NKAIN1: variants seen among roughly 807,000 people sequenced by gnomAD.
NKAIN1 encodes sodium/potassium-transporting ATPase subunit beta-1-interacting protein 1.
In NKAIN1, 13 loss-of-function variants were observed where a neutral mutation model predicts 31.6. The observed-to-expected ratio is 0.41, with a 90% CI of 0.27 to 0.65. NKAIN1 has a LOEUF of 0.65. Ranked by LOEUF, NKAIN1 falls within the 30% of genes least tolerant of loss-of-function variation. The probability of loss-of-function intolerance (pLI) is 0.30; values close to 1 mark genes in which losing one functional copy is unlikely to be tolerated. For synonymous variants in NKAIN1, 104 were observed against 109.0 expected (o/e 0.95, Z 0.28); for missense variants, 193 against 262.2 (o/e 0.74, Z 1.82).
At chr1:31,199,380 A>T (rs556427221) in intron 1 of NKAIN1, among the ~76,000 whole-genome samples, 4 of 152,322 alleles carry the variant, frequency 2.6e-5, no homozygotes, top group African/African-American at 9.6e-5. Context: ...GTTGGTGCTG[A>T]CTATATGGCA....
At chr1:31,231,522 T>TTTG (rs71569973) in intron 1 of NKAIN1, among the ~76,000 whole-genome samples, 33,177 of 150,612 alleles carry the variant, frequency 0.22, 4,005 homozygotes, top group African/African-American at 0.32. Flanking sequence ...TTTGTTGTTG[T>TTTG]TTGTTGTTGT....
rs548762674 is a variant in NKAIN1 at position 31,234,630 on chromosome 1, G to A, written c.54+4864C>T. ...AGAAACTGTGGCCAGAGGAGTGAAT[G>A]CGTGTGTCCAAGGTCACACAGAGCT... On this transcript the variant is annotated intron_variant, in intron 1 of 6. Coordinates refer to ENST00000373736, the MANE Select transcript of NKAIN1 (RefSeq NM_024522.3). Among the ~76,000 whole-genome samples the A allele has an allele frequency of 2.0e-5, 3 of 152,288 alleles. No homozygotes were observed. In the East Asian group the frequency reaches 5.8e-4, roughly 29 times the overall value.
chr1:31,200,554 A>C (rs2377715), intron 1 of NKAIN1, among the ~76,000 whole-genome samples: 113,319 of 149,754 alleles, frequency 0.76, 43,180 homozygotes, highest in Middle Eastern at 0.9. Flanking sequence ...GCCTCCTGGG[A>C]TCAAGTGATC....
intron 1 of NKAIN1, among the ~76,000 whole-genome samples, chr1:31,203,920 C>A (rs765876997): frequency 3.0e-4 from 46 of 152,144 alleles, no homozygotes; most frequent in Non-Finnish European, 5.4e-4. Flanking sequence ...CAAACACATT[C>A]AAAGACAAAA....
rs1645258884 is a variant in NKAIN1 at position 31,188,102 on chromosome 1, A to C, written c.140T>G (p.Val47Gly). ...ILANFLHIMA[V>G]ILGIFGTVQY... ...CACGGTGCCAAAGATGCCCAGGATG[A>C]CTGCCATGATGTGCAGGAAGTTGGC... Residue 47 changes from valine to glycine, a missense_variant, in exon 2 of 7, where the codon GTC becomes GGC. Coordinates refer to ENST00000373736, the MANE Select transcript of NKAIN1 (RefSeq NM_024522.3). 1 of 1,553,242 alleles carries C rather than the reference A, an allele frequency of 6.4e-7. No individual in the cohort carries two copies. Among genetic ancestry groups the C allele is most frequent in the Non-Finnish European group, 8.7e-7 (1 of 1,147,990 alleles).
rs148357835 is a variant in NKAIN1, at chr1:31,213,993, C to CAAA, written c.54+25498_54+25500dup. 6.9e-5 allele frequency among the ~76,000 whole-genome samples: 10 copies of CAAA among 145,268 alleles called. 1 individual carries two copies. Among genetic ancestry groups the CAAA allele is most frequent in the African/African-American group, 2.3e-4 (9 of 39,300 alleles). ...TGGACCACAGAGTGAGCCCCTGTCT[C>CAAA]AAAAAAAGAATAAAATAAAAATTAA... On this transcript the variant is annotated intron_variant, in intron 1 of 6. Coordinates refer to ENST00000373736, the MANE Select transcript of NKAIN1 (RefSeq NM_024522.3).
At chr1:31,182,141 C>T (rs1557647802) in intron 5 of NKAIN1, among the ~76,000 whole-genome samples, 200 bp from the exon 6 acceptor site, 1 of 152,010 alleles carries the variant, frequency 6.6e-6, no homozygotes, top group Non-Finnish European at 1.5e-5. Context: ...GAGGGATGGG[C>T]CTCTGGGGGT....
chr1:31,183,436 C>CTTTTTTTTTTTTTTTTTTTTTTT (rs3046278), intron 4 of NKAIN1, among the ~76,000 whole-genome samples: 2 of 106,698 alleles, frequency 1.9e-5, no homozygotes, highest in African/African-American at 1.1e-4. Flanking sequence ...TTCATTCCCT[C>CTTTTTTTTTTTTTTTTTTTTTTT]TTTTTTTTTT....
chr1:31,214,195 T>C (rs1022556742), intron 1 of NKAIN1, among the ~76,000 whole-genome samples: 4 of 152,032 alleles, frequency 2.6e-5, no homozygotes, highest in African/African-American at 9.7e-5. Context: ...TCACCTACTG[T>C]ATGATTCCAC....
chr1:31,204,761 A>C (rs537448681), intron 1 of NKAIN1, among the ~76,000 whole-genome samples: 53 of 152,364 alleles, frequency 3.5e-4, no homozygotes, highest in South Asian at 1.2e-3. Context: ...AAGCACCTTA[A>C]TGAAGCGGGC....
intron 1 of NKAIN1, among the ~76,000 whole-genome samples, chr1:31,190,911 G>A (rs1191704636): frequency 6.6e-6 from 1 of 152,200 alleles, no homozygotes; most frequent in Non-Finnish European, 1.5e-5. Flanking sequence ...CTGGCCCTAA[G>A]GGAGAAGGTC....
rs149610006 is a variant in NKAIN1, at chr1:31,186,758, G to A, written c.192+1292C>T. On this transcript the variant is annotated intron_variant, in intron 2 of 6. Transcript: ENST00000373736. Reference sequence around the variant, plus strand: ...TGAATGACACAGGTCAATGTGCCCCGCTCCAGCAATCTTTCCATCTGTCTG... The same window carrying A: ...TGAATGACACAGGTCAATGTGCCCCACTCCAGCAATCTTTCCATCTGTCTG... 8.0e-3 allele frequency among the ~76,000 whole-genome samples: 1,215 copies of A among 152,288 alleles called. 9 individuals are homozygous for A. The highest frequency in any genetic ancestry group is 0.014 in the Non-Finnish European group (979 of 68,020).
chr1:31,234,369 T>C (rs1282626075), intron 1 of NKAIN1, among the ~76,000 whole-genome samples: 1 of 152,104 alleles, frequency 6.6e-6, no homozygotes, highest in Non-Finnish European at 1.5e-5. Flanking sequence ...TCGCCGTCAC[T>C]ATTGCTAATA....
intron 1 of NKAIN1, among the ~76,000 whole-genome samples, chr1:31,211,964 A>AAACAG (rs1254203651): frequency 6.6e-6 from 1 of 152,080 alleles, no homozygotes; most frequent in Non-Finnish European, 1.5e-5. Context: ...AAACAAAACA[A>AAACAG]AACAAAAATA....
intron 1 of NKAIN1, among the ~76,000 whole-genome samples, chr1:31,224,084 A>G (rs1426400522): frequency 1.3e-5 from 2 of 152,076 alleles, no homozygotes; most frequent in African/African-American, 4.8e-5. Context: ...CTCCCTGTAA[A>G]GCGGTTTCCA....
chr1:31,203,643 G>A (rs1645401877), intron 1 of NKAIN1, among the ~76,000 whole-genome samples: 1 of 147,754 alleles, frequency 6.8e-6, no homozygotes, highest in South Asian at 2.1e-4. Flanking sequence ...GGAGTGCAGT[G>A]GCACCATCTT....
chr1:31,211,955 A>G (rs1015125582), intron 1 of NKAIN1, among the ~76,000 whole-genome samples: 1 of 152,094 alleles, frequency 6.6e-6, no homozygotes, highest in Non-Finnish European at 1.5e-5. Flanking sequence ...AACAAAACAA[A>G]ACAAAACAAA....
intron 5 of NKAIN1, 80 bp from the exon 6 acceptor site, chr1:31,182,021 C>A: frequency 1.4e-6 from 2 of 1,392,134 alleles, no homozygotes; most frequent in Non-Finnish European, 1.0e-6. Flanking sequence ...GGGGAAGAAT[C>A]TGAGGGCAGG....
Position 31,190,045 on chromosome 1 carries a change from CT to C in NKAIN1, c.55-1859del, listed in dbSNP as rs138262570. 4.1e-3 allele frequency among the ~76,000 whole-genome samples: 618 copies of C among 152,312 alleles called. 37 individuals are homozygous for C. The East Asian group carries it at 0.099, about 24-fold the overall frequency. ...AAGCTGGTTCTCCCTCCTTGTCCTG[CT>C]GATTTTTGTCATTTGCAACAAAGAG... On this transcript the variant is annotated intron_variant, in intron 1 of 6. Transcript: ENST00000373736.
Sources: gnomAD v4.1 joint callset for allele counts (sites outside exome capture counted in the v4.1 genomes callset) on GRCh38, gnomAD v4.1.1 for gene constraint, MANE v1.5 for transcripts, NCBI Gene and HGNC (gene_info 2026-07-23, HGNC 2026-07-21) for gene names.